The following PTPRQ variants were observed in gnomAD, a reference collection of about 807,000 sequenced individuals.
The protein encoded by PTPRQ is protein tyrosine phosphatase receptor type Q, also known as phosphatidylinositol phosphatase PTPRQ.
In PTPRQ, 199 loss-of-function variants were observed where a neutral mutation model predicts 246.0. The ratio of observed to expected loss-of-function variants is 0.81; its 90% confidence interval spans 0.72 to 0.91. The LOEUF is 0.91. Ranked by LOEUF, PTPRQ falls within the 40% of genes least tolerant of loss-of-function variation. PTPRQ has a pLI of 0.00. For missense variants in PTPRQ, 2,624 were observed against 2,528.4 expected, an observed-to-expected ratio of 1.04 and a Z score of -0.81; for synonymous variants, 869 against 853.2, an observed-to-expected ratio of 1.02 and a Z score of -0.32.
intron 17 of PTPRQ, among the ~76,000 whole-genome samples, chr12:80,519,551 G>A (rs1217401880): frequency 6.6e-6 from 1 of 152,116 alleles, no homozygotes; most frequent in African/African-American, 2.4e-5. Flanking sequence ...AGGAGGGATC[G>A]GGGTAGGAGC....
chr12:80,534,207 T>C, intron 18 of PTPRQ, 32 bp downstream of exon 18: 1 of 1,434,920 alleles, frequency 7.0e-7, no homozygotes, highest in Non-Finnish European at 9.2e-7. Flanking sequence ...ATTAAAAGAA[T>C]GTTCTTTTTC....
chr12:80,510,880 G>A (rs550212202), intron 17 of PTPRQ, among the ~76,000 whole-genome samples: 1 of 152,224 alleles, frequency 6.6e-6, no homozygotes, highest in East Asian at 1.9e-4. Flanking sequence ...AATTTGAAAT[G>A]TAAACAATGT....
intron 25 of PTPRQ, among the ~76,000 whole-genome samples, chr12:80,585,027 T>C (rs1366585345): frequency 6.6e-6 from 1 of 151,780 alleles, no homozygotes; most frequent in Non-Finnish European, 1.5e-5. Flanking sequence ...CTGTAAATAA[T>C]TCGATAAAAA....
intron 26 of PTPRQ, among the ~76,000 whole-genome samples, chr12:80,590,539 G>C (rs1234689838): frequency 6.6e-6 from 1 of 151,662 alleles, no homozygotes; most frequent in African/African-American, 2.4e-5. Context: ...ATGGTGGCAG[G>C]TGCCTGTAGT....
intron 39 of PTPRQ, among the ~76,000 whole-genome samples, chr12:80,659,555 G>A (rs1405374206): frequency 6.6e-6 from 1 of 152,014 alleles, no homozygotes; most frequent in East Asian, 1.9e-4. Flanking sequence ...TACAGGATAT[G>A]AATATAATTA....
rs1290352661 is a variant in PTPRQ, at chr12:80,505,905, C to T, written c.2273-119C>T. 5.5e-5 allele frequency: 62 copies of T among 1,131,766 alleles called. No individual in the cohort carries two copies. The Middle Eastern group carries it at 9.1e-4, about 17-fold the overall frequency. 70.1% of individuals were successfully genotyped at this position (1,131,766 alleles called of 1,614,324 possible). A position where few individuals can be genotyped will look rare whatever the true frequency, so the allele number is the denominator to read the frequency against. On this transcript the variant is annotated intron_variant, in intron 14 of 44. Coordinates refer to ENST00000644991, the MANE Select transcript of PTPRQ (RefSeq NM_001145026.2). ...TTTACTTCATTCAGGATATTTATTA[C>T]GATTACATTCTAGTGAAGGTTCAAT...
intron 33 of PTPRQ, among the ~76,000 whole-genome samples, chr12:80,623,870 A>G (rs1435676304): frequency 6.6e-6 from 1 of 152,092 alleles, no homozygotes; most frequent in Non-Finnish European, 1.5e-5. Context: ...AGCATCAGGA[A>G]CCACAGTGCA....
Position 80,678,593 on chromosome 12 carries a change from G to T in PTPRQ, c.6739-9G>T. On this transcript the variant is annotated splice_polypyrimidine_tract_variant and intron_variant, in intron 43 of 44. Transcript: ENST00000644991. ...ATATTTGTTTAACCACTCTGTCTTTGGTGTCTAGGCACAGTATATCTTTTT... is the reference window on the plus strand; with the variant it reads ...ATATTTGTTTAACCACTCTGTCTTTTGTGTCTAGGCACAGTATATCTTTTT... 2 of 1,538,232 alleles carry T rather than the reference G, an allele frequency of 1.3e-6. No homozygotes were observed. Among genetic ancestry groups the T allele is most frequent in the Non-Finnish European group, 1.8e-6 (2 of 1,141,142 alleles).
intron 3 of PTPRQ, among the ~76,000 whole-genome samples, chr12:80,450,750 C>A (rs531297622): frequency 2.0e-5 from 3 of 152,244 alleles, no homozygotes; most frequent in Admixed American, 2.0e-4. Flanking sequence ...TGTGGATAAG[C>A]TTTTTGGTGT....
intron 17 of PTPRQ, among the ~76,000 whole-genome samples, chr12:80,522,627 G>A (rs1050971797): frequency 6.6e-6 from 1 of 152,018 alleles, no homozygotes; most frequent in Non-Finnish European, 1.5e-5. Context: ...TAATCATGTG[G>A]TTTTTGTCTT....
chr12:80,593,261 T>C (rs2121038914), intron 26 of PTPRQ, among the ~76,000 whole-genome samples: 1 of 152,234 alleles, frequency 6.6e-6, no homozygotes, highest in East Asian at 1.9e-4. Flanking sequence ...TTGTTTAAAA[T>C]TTGAGTAACT....
intron 24 of PTPRQ, among the ~76,000 whole-genome samples, chr12:80,547,455 C>T (rs1185032694): frequency 6.6e-6 from 1 of 152,018 alleles, no homozygotes; most frequent in Non-Finnish European, 1.5e-5. Context: ...GGATGCACTT[C>T]CTGGTATGTT....
intron 17 of PTPRQ, among the ~76,000 whole-genome samples, chr12:80,532,325 C>T (rs1474206220): frequency 2.0e-5 from 3 of 151,996 alleles, no homozygotes; most frequent in African/African-American, 7.2e-5. Flanking sequence ...TGAGCTCAAG[C>T]AATTCTCGTG....
intron 25 of PTPRQ, among the ~76,000 whole-genome samples, chr12:80,567,436 C>A (rs907405850): frequency 6.6e-6 from 1 of 152,086 alleles, no homozygotes; most frequent in Admixed American, 6.6e-5. Context: ...GGGCATACAC[C>A]CATGGAACCA....
chr12:80,586,677 G>A lies in PTPRQ; in HGVS notation c.4286-1452G>A, dbSNP rs141091405. On this transcript the variant is annotated intron_variant, in intron 25 of 44. Transcript: ENST00000644991. Reference sequence around the variant, plus strand: ...CTTCTTCTCATTCTTCTTTTTCTCCGCAACTCTGATCATCATCCAAAACAC... The same window carrying A: ...CTTCTTCTCATTCTTCTTTTTCTCCACAACTCTGATCATCATCCAAAACAC... The A allele has an allele frequency of 1.4e-3, 207 of 151,882 alleles. 2 individuals are homozygous for A. Among genetic ancestry groups the A allele is most frequent in the African/African-American group, 4.8e-3 (198 of 41,376 alleles). The allele number at this position is 151,882 out of a possible 1,614,324, so 9.4% of individuals were successfully genotyped here.
intron 13 of PTPRQ, 61 bp downstream of exon 13, chr12:80,496,167 T>G (rs1592582424): frequency 1.3e-6 from 2 of 1,543,770 alleles, no homozygotes; most frequent in East Asian, 4.9e-5. Context: ...GCTCACTGCC[T>G]TCACTTCATG....
intron 25 of PTPRQ, among the ~76,000 whole-genome samples, chr12:80,565,069 T>G (rs1896938175): frequency 6.6e-6 from 1 of 152,238 alleles, no homozygotes; most frequent in African/African-American, 2.4e-5. Flanking sequence ...TAATAAGATC[T>G]GTAAAATACT....
At chr12:80,478,762 A>G (rs1893918228) in intron 8 of PTPRQ, among the ~76,000 whole-genome samples, 1 of 152,194 alleles carries the variant, frequency 6.6e-6, no homozygotes, top group African/African-American at 2.4e-5. Flanking sequence ...GATCAACTGG[A>G]AGAAAGGGTA....
Position 80,679,750 on chromosome 12 carries a change from A to G in PTPRQ, c.*727A>G, listed in dbSNP as rs1432967480. On this transcript the variant is annotated 3_prime_UTR_variant, in exon 45 of 45. Transcript: ENST00000644991. ...CTACATTTGTAAACTTTAAAACACA[A>G]GTTTTACCCCCTGTATTGTATATTC... 3.3e-5 allele frequency: 5 copies of G among 152,036 alleles called. No individual in the cohort carries two copies. Among genetic ancestry groups the G allele is most frequent in the Non-Finnish European group, 7.4e-5 (5 of 67,974 alleles). 9.4% of individuals were successfully genotyped at this position (152,036 alleles called of 1,614,324 possible).
Sources: gnomAD v4.1 joint callset for allele counts (sites outside exome capture counted in the v4.1 genomes callset) on GRCh38, gnomAD v4.1.1 for gene constraint, MANE v1.5 for transcripts, NCBI Gene and HGNC (gene_info 2026-07-23, HGNC 2026-07-21) for gene names.